DLEC1: variants seen among roughly 807,000 people sequenced by gnomAD.
DLEC1 encodes deleted in lung and esophageal cancer protein 1.
A neutral mutation model predicts 198.1 loss-of-function variants in DLEC1; 146 were observed. The observed-to-expected ratio is 0.74, with a 90% CI of 0.64 to 0.85. The LOEUF (loss-of-function observed/expected upper bound fraction) is 0.85, where lower values mean the gene tolerates loss of function less well. Among genes scored for constraint, DLEC1 ranks in the 40% least tolerant of loss-of-function variants. The probability of loss-of-function intolerance (pLI) is 0.00; values close to 1 mark genes in which losing one functional copy is unlikely to be tolerated. For missense variants in DLEC1, 2,233 were observed against 2,220.0 expected (o/e 1.01, Z -0.12); for synonymous variants, 897 against 866.8 (o/e 1.03, Z -0.61).
chr3:38,081,438 CG>C (rs1697985913), intron 6 of DLEC1, among the ~76,000 whole-genome samples: 1 of 85,720 alleles, frequency 1.2e-5, no homozygotes, highest in Non-Finnish European at 2.3e-5. Flanking sequence ...GCTGGCCGGG[CG>C]GGGGGCTGAC....
At position 38,107,751 on chromosome 3, in the gene DLEC1, C is replaced by A. The variant is rs1286019133; in HGVS notation, c.3018+14C>A. 1 of 1,611,598 alleles carries A rather than the reference C, an allele frequency of 6.2e-7. No homozygotes were observed. The stretch of plus-strand genomic sequence containing the variant: ...CACTGGGGCAAGGTGAGTGAGCCCA[C>A]AGCATCAGGCAGCAGTCTGCAGCCC... On this transcript the variant is annotated intron_variant, in intron 20 of 36. Coordinates refer to ENST00000308059, the MANE Select transcript of DLEC1 (RefSeq NM_007335.4).
At position 38,116,929 on chromosome 3, in the gene DLEC1, G is replaced by A. The variant is rs372902865; in HGVS notation, c.4179+40G>A. On this transcript the variant is annotated intron_variant, in intron 29 of 36. Transcript: ENST00000308059. ...GGGCTGGGAGCTGTCTGCATTGGCCGGCCAGTGGGCATGGGACAGTGCTAA... is the reference window on the plus strand; with the variant it reads ...GGGCTGGGAGCTGTCTGCATTGGCCAGCCAGTGGGCATGGGACAGTGCTAA... 1.2e-4 allele frequency: 189 copies of A among 1,612,048 alleles called. 2 individuals carry two copies. In the African/African-American group the frequency reaches 1.2e-3, roughly 10 times the overall value.
At position 38,122,769 on chromosome 3, in the gene DLEC1, T is replaced by C; in HGVS notation, c.*357T>C. ...GCACTTCTCATCCATGGATTTGCCT[T>C]GCCTTAAGAATTAACCATGGCCTTG... On this transcript the variant is annotated 3_prime_UTR_variant, in exon 37 of 37. Transcript: ENST00000308059. 1 of 1,223,284 alleles carries C rather than the reference T, an allele frequency of 8.2e-7. No individual in the cohort carries two copies. Among genetic ancestry groups the C allele is most frequent in the East Asian group, 2.7e-5 (1 of 36,892 alleles). 75.8% of individuals were successfully genotyped at this position (1,223,284 alleles called of 1,614,324 possible). A position where few individuals can be genotyped will look rare whatever the true frequency, so the allele number is the denominator to read the frequency against.
At chr3:38,044,137 C>A (rs1378707773) in intron 1 of DLEC1, among the ~76,000 whole-genome samples, 2 of 152,010 alleles carry the variant, frequency 1.3e-5, no homozygotes, top group African/African-American at 4.8e-5. Flanking sequence ...ATCCCAGCTA[C>A]TTGGAGGCTG....
intron 26 of DLEC1, 60 bp from the exon 27 acceptor site, chr3:38,114,923 C>T: frequency 6.6e-7 from 1 of 1,509,580 alleles, no homozygotes; most frequent in Non-Finnish European, 9.1e-7. Context: ...CAGCCCTCCT[C>T]CCTACCTGCA....
chr3:38,056,140 C>T (rs1161269087), intron 2 of DLEC1, among the ~76,000 whole-genome samples: 14 of 151,338 alleles, frequency 9.3e-5, no homozygotes, highest in Non-Finnish European at 1.0e-4. Flanking sequence ...TGGTGGCATG[C>T]GCCTCCCAGC....
At chr3:38,054,186 T>G (rs1436002758) in intron 2 of DLEC1, among the ~76,000 whole-genome samples, 3 of 148,488 alleles carry the variant, frequency 2.0e-5, no homozygotes, top group Non-Finnish European at 4.5e-5. Flanking sequence ...CCAAGAATGA[T>G]CAATAAATAC....
chr3:38,043,668 C>T (rs1700755252), intron 1 of DLEC1, among the ~76,000 whole-genome samples: 1 of 152,172 alleles, frequency 6.6e-6, no homozygotes. Context: ...TGATTCATTT[C>T]CCCAAATGTA....
At chr3:38,077,087 A>G (rs1697667014) in intron 6 of DLEC1, among the ~76,000 whole-genome samples, 1 of 152,218 alleles carries the variant, frequency 6.6e-6, no homozygotes, top group South Asian at 2.1e-4. Flanking sequence ...AGGACATCTG[A>G]TTAGAGAGTG....
At chr3:38,067,185 A>G (rs1357060957) in intron 6 of DLEC1, among the ~76,000 whole-genome samples, 1 of 152,232 alleles carries the variant, frequency 6.6e-6, no homozygotes, top group Admixed American at 6.5e-5. Flanking sequence ...TGTTCATAAC[A>G]GTTGTTTACC....
intron 27 of DLEC1, among the ~76,000 whole-genome samples, chr3:38,115,361 C>T (rs1700099252): frequency 6.6e-6 from 1 of 152,194 alleles, no homozygotes; most frequent in South Asian, 2.1e-4. Context: ...GAGGGGCTTC[C>T]CTCCTGATGG....
At chr3:38,097,469 C>T (rs2125698924) in intron 16 of DLEC1, 38 bp from the exon 17 acceptor site, 2 of 1,611,080 alleles carry the variant, frequency 1.2e-6, no homozygotes, top group Admixed American at 1.7e-5. Flanking sequence ...ACTGCCTCTG[C>T]TTCTCCTCTC....
At chr3:38,094,109 T>C (rs928726566) in intron 12 of DLEC1, among the ~76,000 whole-genome samples, 5 of 152,206 alleles carry the variant, frequency 3.3e-5, no homozygotes, top group Admixed American at 2.0e-4. Context: ...CAAATCATCC[T>C]GGACCATCCC....
Position 38,045,700 on chromosome 3 carries a change from A to G in DLEC1, c.562+7A>G, listed in dbSNP as rs749766316. 18 of 1,604,380 alleles carry G rather than the reference A, an allele frequency of 1.1e-5. No homozygotes were observed. The highest frequency in any genetic ancestry group is 3.4e-4 in the Middle Eastern group (2 of 5,804). On this transcript the variant is annotated splice_region_variant and intron_variant, in intron 2 of 36. Transcript: ENST00000308059. The stretch of plus-strand genomic sequence containing the variant: ...CTTGTCAGGTTGCCTCCAGGTGTGT[A>G]TAAAGAACTCCCACATGCCTGCCCA...
Position 38,122,610 on chromosome 3 carries a change from C to G in DLEC1, c.*198C>G. ...ATGTCCTCAGAGCTAACATAAAGGA[C>G]AGGCCACACCACAGCAGAGACCACC... On this transcript the variant is annotated 3_prime_UTR_variant, in exon 37 of 37. Coordinates refer to ENST00000308059, the MANE Select transcript of DLEC1 (RefSeq NM_007335.4). The G allele has an allele frequency of 5.8e-6, 9 of 1,556,730 alleles. No homozygotes were observed. Among genetic ancestry groups the G allele is most frequent in the Non-Finnish European group, 7.8e-6 (9 of 1,155,776 alleles).
At chr3:38,080,562 G>A (rs1697920115) in intron 6 of DLEC1, among the ~76,000 whole-genome samples, 1 of 152,168 alleles carries the variant, frequency 6.6e-6, no homozygotes, top group South Asian at 2.1e-4. Context: ...AAAATTGAAA[G>A]TGCCGTTTTC....
chr3:38,084,387 GTGGTAGTAGTAGTA>G, intron 7 of DLEC1, 142 bp downstream of exon 7: 1 of 660,720 alleles, frequency 1.5e-6, no homozygotes, highest in Non-Finnish European at 2.4e-6. Flanking sequence ...GGTGGTAGTA[GTGGTAGTAGTAGTA>G]GTGGTGGTGG....
intron 27 of DLEC1, 135 bp downstream of exon 27, chr3:38,115,188 G>T: frequency 1.1e-6 from 1 of 891,268 alleles, no homozygotes. Flanking sequence ...CTGTGGTTAC[G>T]GAAGTGTGGA....
chr3:38,096,908 A>G (rs993793047), intron 15 of DLEC1, among the ~76,000 whole-genome samples, 171 bp downstream of exon 15: 4 of 152,190 alleles, frequency 2.6e-5, no homozygotes, highest in African/African-American at 4.8e-5. Context: ...TAGGCCAGGC[A>G]TGGCTGTCTT....
Sources: gnomAD v4.1 joint callset for allele counts (sites outside exome capture counted in the v4.1 genomes callset) on GRCh38, gnomAD v4.1.1 for gene constraint, MANE v1.5 for transcripts, NCBI Gene and HGNC (gene_info 2026-07-23, HGNC 2026-07-21) for gene names.